EBF1: variants seen among roughly 807,000 people sequenced by gnomAD.
EBF1 encodes EBF transcription factor 1.
Under a neutral mutation model 68.4 loss-of-function variants are expected in EBF1, and 10 were observed. That is an observed-to-expected ratio of 0.15 (90% CI 0.09 to 0.25). The LOEUF is 0.25. EBF1 is among the 10% of genes least tolerant of loss of function. EBF1 has a pLI of 1.00. For synonymous variants in EBF1, 298 were observed against 299.8 expected (o/e 0.99, Z 0.06); for missense variants, 509 against 794.4 (o/e 0.64, Z 4.32).
chr5:158,873,308 T>A (rs1007714373), intron 6 of EBF1, among the ~76,000 whole-genome samples: 1 of 152,186 alleles, frequency 6.6e-6, no homozygotes, highest in Non-Finnish European at 1.5e-5. Context: ...TTCTACATCC[T>A]CTTTTTATGC....
chr5:158,866,868 TATATATATATATATATATATATATATA>T (rs1796008423), intron 6 of EBF1, among the ~76,000 whole-genome samples: 2 of 52,416 alleles, frequency 3.8e-5, no homozygotes, highest in African/African-American at 6.1e-5. Context: ...TATATATATA[TATATATATATATATATATATATATATA>T]AAGCCACATA....
intron 10 of EBF1, among the ~76,000 whole-genome samples, chr5:158,761,868 G>A (rs1033350800): frequency 1.6e-4 from 24 of 151,958 alleles, no homozygotes; most frequent in African/African-American, 2.7e-4. Context: ...AATTTTATAC[G>A]GGCTCTTCTC....
rs11956924 is a variant in EBF1, at chr5:159,087,277, C to G, written c.412-2538G>C. Among the ~76,000 whole-genome samples the G allele has an allele frequency of 7.3e-4, 100 of 137,140 alleles. 2 individuals carry two copies. In the East Asian group the frequency reaches 0.013, roughly 18 times the overall value. The allele number at this position is 137,140 out of a possible 152,430, so 90.0% of individuals were successfully genotyped here. Reference sequence around the variant, plus strand: ...TAATATATATATATATACACACACACATATATATATATACACATATATATA... The same window carrying G: ...TAATATATATATATATACACACACAGATATATATATATACACATATATATA... On this transcript the variant is annotated intron_variant, in intron 4 of 15. Transcript: ENST00000313708.
At chr5:159,061,615 G>A (rs1479986354) in intron 6 of EBF1, among the ~76,000 whole-genome samples, 6 of 152,156 alleles carry the variant, frequency 3.9e-5, no homozygotes, top group Non-Finnish European at 8.8e-5. Flanking sequence ...AGGGAGGTCC[G>A]AGATGCGATT....
intron 8 of EBF1, among the ~76,000 whole-genome samples, chr5:158,822,316 A>G (rs112868645): frequency 7.0e-4 from 99 of 141,946 alleles, no homozygotes; most frequent in African/African-American, 1.8e-3. Context: ...ATGGATGGAT[A>G]GATGGATAGA....
intron 6 of EBF1, among the ~76,000 whole-genome samples, chr5:158,964,894 AC>A (rs1176301049): frequency 6.6e-6 from 1 of 152,240 alleles, no homozygotes; most frequent in East Asian, 1.9e-4. Flanking sequence ...TGGAAATGCA[AC>A]AAATCATCAA....
chr5:158,714,078 T>C (rs199852631), intron 12 of EBF1, 39 bp downstream of exon 12: 2 of 1,606,438 alleles, frequency 1.2e-6, no homozygotes, highest in African/African-American at 1.3e-5. Flanking sequence ...TTTAATTGCA[T>C]GTGGCAGTCC....
intron 6 of EBF1, among the ~76,000 whole-genome samples, chr5:159,008,514 TTTTTC>T (rs1465229541): frequency 2.0e-5 from 3 of 149,582 alleles, no homozygotes; most frequent in African/African-American, 7.3e-5. Flanking sequence ...TTTTCTTTTC[TTTTTC>T]TTTTCTTTTT....
intron 6 of EBF1, chr5:158,987,332 C>T (rs569324791): frequency 6.6e-6 from 1 of 152,326 alleles, no homozygotes; most frequent in Non-Finnish European, 1.5e-5. Flanking sequence ...AGTTGCACCA[C>T]TATTGTTATT....
At chr5:159,043,123 T>G (rs938637185) in intron 6 of EBF1, among the ~76,000 whole-genome samples, 2 of 152,172 alleles carry the variant, frequency 1.3e-5, no homozygotes, top group Non-Finnish European at 1.5e-5. Flanking sequence ...GGATGTTGCT[T>G]TCTCTATTTT....
chr5:158,941,635 T>G (rs1403766784), intron 6 of EBF1, among the ~76,000 whole-genome samples: 1 of 152,228 alleles, frequency 6.6e-6, no homozygotes, highest in East Asian at 1.9e-4. Context: ...GGTTGCTATA[T>G]ATCTTGGAAC....
At chr5:159,039,636 T>C (rs1770784032) in intron 6 of EBF1, among the ~76,000 whole-genome samples, 1 of 152,166 alleles carries the variant, frequency 6.6e-6, no homozygotes, top group African/African-American at 2.4e-5. Context: ...TTATTTGGAG[T>C]TCCCCATTTC....
intron 6 of EBF1, among the ~76,000 whole-genome samples, chr5:158,869,536 T>C (rs1179517840): frequency 6.6e-6 from 1 of 151,804 alleles, no homozygotes; most frequent in African/African-American, 2.4e-5. Flanking sequence ...CCTATATTAG[T>C]AGTGTTCTCT....
intron 15 of EBF1, among the ~76,000 whole-genome samples, chr5:158,701,241 T>A (rs943543985): frequency 6.6e-6 from 1 of 152,014 alleles, no homozygotes; most frequent in Non-Finnish European, 1.5e-5. Context: ...TATAGTATAG[T>A]CACACAACTC....
intron 6 of EBF1, among the ~76,000 whole-genome samples, chr5:158,951,196 A>G (rs1402813560): frequency 6.6e-6 from 1 of 152,220 alleles, no homozygotes; most frequent in Admixed American, 6.5e-5. Flanking sequence ...CAAATTGACT[A>G]TAAACACTTT....
intron 8 of EBF1, among the ~76,000 whole-genome samples, chr5:158,803,950 C>CTGTGTGTGTGTG (rs10581149): frequency 5.3e-5 from 7 of 131,398 alleles, no homozygotes; most frequent in African/African-American, 2.0e-4. Context: ...GTGTGTGTGT[C>CTGTGTGTGTGTG]TGTGTGTGTG....
At chr5:159,054,312 G>GA (rs1422859431) in intron 6 of EBF1, among the ~76,000 whole-genome samples, 3 of 152,222 alleles carry the variant, frequency 2.0e-5, no homozygotes, top group African/African-American at 7.2e-5. Context: ...GGAATTCTCA[G>GA]AAAAATCATT....
intron 6 of EBF1, among the ~76,000 whole-genome samples, chr5:158,914,170 A>AT (rs561063439): frequency 2.0e-5 from 3 of 151,878 alleles, no homozygotes; most frequent in African/African-American, 4.8e-5. Flanking sequence ...TCTTACATGC[A>AT]TTTTTTTTCC....
rs549318503 is a variant in EBF1, at chr5:159,064,752, G to A, written c.554+8644C>T. Among the ~76,000 whole-genome samples the A allele has an allele frequency of 1.8e-4, 27 of 152,120 alleles. No individual in the cohort carries two copies. The South Asian group carries it at 2.9e-3, about 16-fold the overall frequency. On this transcript the variant is annotated intron_variant, in intron 6 of 15. Coordinates refer to ENST00000313708, the MANE Select transcript of EBF1 (RefSeq NM_024007.5). ...TCCCATATATCTAACATTAGAATCT[G>A]GCTTTAGGAAAACAACAAGACTGTG...
Sources: gnomAD v4.1 joint callset for allele counts (sites outside exome capture counted in the v4.1 genomes callset) on GRCh38, gnomAD v4.1.1 for gene constraint, MANE v1.5 for transcripts, NCBI Gene and HGNC (gene_info 2026-07-23, HGNC 2026-07-21) for gene names.